Variants in FAM161A observed in about 807,000 individuals in gnomAD.
FAM161A encodes protein FAM161A.
FAM161A carries 57 observed loss-of-function variants against 70.9 expected under a neutral mutation model. The ratio of observed to expected loss-of-function variants is 0.80; its 90% CI spans 0.65 to 1.00. FAM161A has a LOEUF of 1.00. FAM161A is among the 50% of genes least tolerant of loss of function. The probability of loss-of-function intolerance (pLI) is 0.00; values close to 1 mark genes in which losing one functional copy is unlikely to be tolerated. For missense variants in FAM161A, 880 were observed against 836.0 expected, an observed-to-expected ratio of 1.05 and a Z score of -0.65; for synonymous variants, 299 against 295.7, an observed-to-expected ratio of 1.01 and a Z score of -0.12.
chr2:61,825,624 C>A lies in FAM161A; in HGVS notation c.*831G>T, dbSNP rs1410256441. On this transcript the variant is annotated 3_prime_UTR_variant, in exon 7 of 7. Coordinates refer to ENST00000404929, the MANE Select transcript of FAM161A (RefSeq NM_001201543.2). ...AAAATAAATGTAAATTTGCAAGTAT[C>A]CATTTTTTTCTATACTTTTTTTTTT... 2 of 436,316 alleles carry A rather than the reference C, an allele frequency of 4.6e-6. No homozygotes were observed. The highest frequency in any genetic ancestry group is 9.0e-6 in the Non-Finnish European group (2 of 222,310). 27.0% of individuals were successfully genotyped at this position (436,316 alleles called of 1,614,324 possible).
chr2:61,818,545 C>T, the FAM161A span, among the ~76,000 whole-genome samples: 1 of 152,088 alleles, frequency 6.6e-6, no homozygotes, highest in Non-Finnish European at 1.5e-5. Context: ...CTTGTAGGGG[C>T]TCCCACTGGC....
intron 1 of FAM161A, among the ~76,000 whole-genome samples, chr2:61,849,520 C>T (rs961530115): frequency 1.3e-5 from 2 of 151,780 alleles, no homozygotes; most frequent in African/African-American, 4.8e-5. Context: ...GATGGTGGCT[C>T]AGGCCTGTAA....
At chr2:61,847,983 T>C (rs2105096860) in intron 1 of FAM161A, among the ~76,000 whole-genome samples, 1 of 152,312 alleles carries the variant, frequency 6.6e-6, no homozygotes, top group East Asian at 1.9e-4. Context: ...AAATGCTGGC[T>C]GCTCTAAAGA....
chr2:61,800,536 G>C, the FAM161A span, among the ~76,000 whole-genome samples: 3 of 152,160 alleles, frequency 2.0e-5, no homozygotes, highest in African/African-American at 4.8e-5. Flanking sequence ...CATGAGTCAG[G>C]CAGGAGGAAG....
chr2:61,826,566 C>A lies in FAM161A; in HGVS notation c.2040G>T (p.Glu680Asp). The change falls in exon 7 of 7, where the codon GAG becomes GAT. Residue 680 changes from glutamate (E) to aspartate (D), a missense_variant. Transcript: ENST00000404929. ...FNEEEKIEER[E>D]NGEENYFIDT... ...CAATAAAATAATTTTCTTCCCCATT[C>A]TCTCTTTCTTCTATTTTTTCTTCTT... 6.2e-7 allele frequency: 1 copy of A among 1,600,490 alleles called. No individual in the cohort carries two copies. Among genetic ancestry groups the A allele is most frequent in the Non-Finnish European group, 8.5e-7 (1 of 1,170,782 alleles).
the FAM161A span, among the ~76,000 whole-genome samples, chr2:61,805,360 A>G: frequency 5.0e-4 from 76 of 152,178 alleles, no homozygotes; most frequent in African/African-American, 1.7e-3. Context: ...TACTAAAAAT[A>G]CAAAATTTAG....
the FAM161A span, among the ~76,000 whole-genome samples, chr2:61,800,277 A>G: frequency 3.3e-5 from 5 of 152,172 alleles, no homozygotes; most frequent in African/African-American, 1.2e-4. Flanking sequence ...TACAAAAGGC[A>G]CAAAAATGGA....
chr2:61,803,416 G>A, the FAM161A span: 1 of 686,014 alleles, frequency 1.5e-6, no homozygotes, highest in East Asian at 2.7e-5. Flanking sequence ...GAACAGAATG[G>A]AGAAAGTCAG....
chr2:61,808,304 G>T, the FAM161A span, among the ~76,000 whole-genome samples: 1 of 149,492 alleles, frequency 6.7e-6, no homozygotes, highest in Non-Finnish European at 1.5e-5. Flanking sequence ...ATGGAGTCTT[G>T]CTCTGTCGCC....
intron 1 of FAM161A, among the ~76,000 whole-genome samples, 155 bp from the exon 2 acceptor site, chr2:61,842,515 G>T (rs190102418): frequency 3.1e-4 from 47 of 152,238 alleles, no homozygotes; most frequent in African/African-American, 1.1e-3. Flanking sequence ...GGTTATTTGT[G>T]GGCTATGTAC....
At chr2:61,821,497 A>C (rs942615855), downstream of FAM161A, among the ~76,000 whole-genome samples, 24 of 152,318 alleles carry the variant, frequency 1.6e-4, no homozygotes, top group African/African-American at 5.3e-4. Context: ...AGATATCTAA[A>C]TATTAGTATA....
chr2:61,851,231 G>C (rs890308977), intron 1 of FAM161A, among the ~76,000 whole-genome samples: 24 of 152,286 alleles, frequency 1.6e-4, no homozygotes, highest in Non-Finnish European at 3.2e-4. Flanking sequence ...GTGAGGATGT[G>C]AGCTATATAT....
chr2:61,831,313 A>G (rs779655721), intron 5 of FAM161A, among the ~76,000 whole-genome samples: 11 of 151,662 alleles, frequency 7.3e-5, no homozygotes, highest in Non-Finnish European at 1.6e-4. Flanking sequence ...CAAGCCTCGC[A>G]TGTCACTAAC....
Position 61,825,563 on chromosome 2 carries a change from A to C in FAM161A, c.*892T>G. 1 of 442,246 alleles carries C rather than the reference A, an allele frequency of 2.3e-6. No individual in the cohort carries two copies. The highest frequency in any genetic ancestry group is 4.5e-6 in the Non-Finnish European group (1 of 224,118). 27.4% of individuals were successfully genotyped at this position (442,246 alleles called of 1,614,324 possible). On this transcript the variant is annotated 3_prime_UTR_variant, in exon 7 of 7. Transcript: ENST00000404929. The stretch of plus-strand genomic sequence containing the variant: ...CTAAGGATAAAAAGAAAAAGGGATG[A>C]TGGTGTAGACAATTTAACAGTAAAC...
chr2:61,816,996 A>G, the FAM161A span, among the ~76,000 whole-genome samples: 1 of 152,200 alleles, frequency 6.6e-6, no homozygotes, highest in African/African-American at 2.4e-5. Context: ...CTGCAGAAAG[A>G]AACTGCAATT....
rs752887523 is a variant in FAM161A at position 61,825,165 on chromosome 2, T to C, written c.*1290A>G. On this transcript the variant is annotated 3_prime_UTR_variant, in exon 7 of 7. Coordinates refer to ENST00000404929, the MANE Select transcript of FAM161A (RefSeq NM_001201543.2). Reference sequence around the variant, plus strand: ...CTGATTGTTTTTAGAAAAGAAAATGTCTTATGCTATATTATCTTTATGATT... The same window carrying C: ...CTGATTGTTTTTAGAAAAGAAAATGCCTTATGCTATATTATCTTTATGATT... 6 of 442,394 alleles carry C rather than the reference T, an allele frequency of 1.4e-5. No homozygotes were observed. The highest frequency in any genetic ancestry group is 9.9e-5 in the South Asian group (6 of 60,624). 27.4% of individuals were successfully genotyped at this position (442,394 alleles called of 1,614,324 possible).
At chr2:61,831,361 T>C (rs1055541535) in intron 5 of FAM161A, among the ~76,000 whole-genome samples, 7 of 152,114 alleles carry the variant, frequency 4.6e-5, no homozygotes, top group Non-Finnish European at 1.0e-4. Context: ...ACCTGCTCCC[T>C]GGAATTGAGG....
downstream of FAM161A, among the ~76,000 whole-genome samples, chr2:61,819,883 C>T (rs1672166830): frequency 6.6e-6 from 1 of 152,092 alleles, no homozygotes; most frequent in South Asian, 2.1e-4. Context: ...TTGTTATTTG[C>T]TTGAGAAAGG....
At chr2:61,849,734 G>A (rs1430579331) in intron 1 of FAM161A, among the ~76,000 whole-genome samples, 11 of 148,642 alleles carry the variant, frequency 7.4e-5, no homozygotes, top group African/African-American at 2.2e-4. Flanking sequence ...TCATTGAGCC[G>A]AGATTGTGCC....
Sources: gnomAD v4.1 joint callset for allele counts (sites outside exome capture counted in the v4.1 genomes callset) on GRCh38, gnomAD v4.1.1 for gene constraint, MANE v1.5 for transcripts, NCBI Gene and HGNC (gene_info 2026-07-23, HGNC 2026-07-21) for gene names.